Variants in NDP observed in about 807,000 individuals in gnomAD.
NDP encodes the protein norrin.
A neutral mutation model predicts 8.4 loss-of-function variants in NDP; 2 were observed. The ratio of observed to expected loss-of-function variants is 0.24; its 90% CI spans 0.10 to 0.75. The LOEUF is 0.75. Ranked by LOEUF, NDP falls within the 30% of genes least tolerant of loss-of-function variation. The pLI, the probability that NDP is intolerant of heterozygous loss-of-function variation, is 0.73. For missense variants in NDP, 81 were observed against 110.1 expected, an observed-to-expected ratio of 0.74 and a Z score of 1.18; for synonymous variants, 55 against 45.6, an observed-to-expected ratio of 1.21 and a Z score of -0.83.
intron 1 of NDP, among the ~76,000 whole-genome samples, chrX:43,961,599 G>A (rs2035826661): frequency 9.0e-6 from 1 of 111,557 alleles, no homozygotes; most frequent in South Asian, 3.7e-4. Flanking sequence ...AGGCATGAGA[G>A]AAAGACTTTT....
intron 1 of NDP, among the ~76,000 whole-genome samples, chrX:43,972,155 T>C (rs1298415161): frequency 9.0e-6 from 1 of 111,653 alleles, no homozygotes; most frequent in Non-Finnish European, 1.9e-5. Context: ...AAGAGACATG[T>C]TTCACAGCAG....
intron 1 of NDP, among the ~76,000 whole-genome samples, chrX:43,959,412 C>T (rs953978119): frequency 8.9e-6 from 1 of 111,778 alleles, no homozygotes; most frequent in Non-Finnish European, 1.9e-5. Flanking sequence ...TTTTAAGCCC[C>T]ATAGCACCCA....
intron 2 of NDP, among the ~76,000 whole-genome samples, chrX:43,958,067 A>C (rs112774785): frequency 0.023 from 2,549 of 111,104 alleles, 75 homozygotes; most frequent in African/African-American, 0.077. Context: ...TATTTCACCA[A>C]GAATCTCTTT....
intron 1 of NDP, among the ~76,000 whole-genome samples, chrX:43,963,647 A>G (rs1569246657): frequency 8.9e-6 from 1 of 111,987 alleles, no homozygotes; most frequent in Non-Finnish European, 1.9e-5. Flanking sequence ...CAGTACTAGG[A>G]TCAGAAAAGC....
intron 1 of NDP, among the ~76,000 whole-genome samples, chrX:43,961,634 A>G (rs1477181249): frequency 8.9e-6 from 1 of 112,070 alleles, no homozygotes; most frequent in Admixed American, 9.5e-5. Context: ...TCGTATTTTT[A>G]GATTTTTGAG....
At chrX:43,958,270 A>G (rs1259018408) in intron 2 of NDP, among the ~76,000 whole-genome samples, 1 of 112,341 alleles carries the variant, frequency 8.9e-6, no homozygotes, top group Non-Finnish European at 1.9e-5. Context: ...GGGTGTGCAC[A>G]TGATTGATTA....
chrX:43,951,752 A>T (rs751040832), intron 2 of NDP, among the ~76,000 whole-genome samples: 2 of 111,098 alleles, frequency 1.8e-5, no homozygotes, highest in Admixed American at 1.9e-4. Context: ...AAATCCAACA[A>T]TCACTTAGCA....
intron 1 of NDP, among the ~76,000 whole-genome samples, chrX:43,968,112 T>C (rs930335036): frequency 9.0e-6 from 1 of 111,649 alleles, no homozygotes; most frequent in Non-Finnish European, 1.9e-5. Flanking sequence ...CAACGGAAGT[T>C]ACCCATTCTT....
chrX:43,968,682 G>C (rs1383546705), intron 1 of NDP, among the ~76,000 whole-genome samples: 1 of 112,371 alleles, frequency 8.9e-6, no homozygotes, highest in Non-Finnish European at 1.9e-5. Context: ...ATGGACAAAA[G>C]AGTGGTTGTA....
chrX:43,954,605 A>G (rs1365672483), intron 2 of NDP: 1 of 111,043 alleles, frequency 9.0e-6, no homozygotes, highest in Non-Finnish European at 1.9e-5. Flanking sequence ...ATCTCTCAAG[A>G]AGTCTATTGT....
Position 43,950,006 on chromosome X carries a change from G to A in NDP, c.195C>T (p.Cys65=), listed in dbSNP as rs757962845. ...CSSKMVLLAR[C]EGHCSQASRS... is the part of the protein sequence containing the mutation. The stretch of plus-strand genomic sequence containing the variant: ...GTGACGCCTGGCTGCAGTGCCCCTC[G>A]CACCTGGCCAGGAGCACCATCTGGG... Residue 65 remains cysteine, a synonymous_variant, in exon 3 of 3, where the codon TGC becomes TGT. Coordinates refer to ENST00000642620, the MANE Select transcript of NDP (RefSeq NM_000266.4). 12 of 1,202,207 alleles carry A rather than the reference G, an allele frequency of 1.0e-5. No homozygotes were observed. The East Asian group carries it at 2.1e-4, about 21-fold the overall frequency.
At chrX:43,970,064 C>T (rs976659793) in intron 1 of NDP, among the ~76,000 whole-genome samples, 5 of 112,051 alleles carry the variant, frequency 4.5e-5, no homozygotes, top group East Asian at 5.6e-4. Flanking sequence ...TTTTATTGTC[C>T]GGGTAAGTTG....
At chrX:43,958,258 A>C (rs769962404) in intron 2 of NDP, among the ~76,000 whole-genome samples, 42 of 112,295 alleles carry the variant, frequency 3.7e-4, no homozygotes, top group East Asian at 3.4e-3. Context: ...GTCCCACTGG[A>C]TGGGTGTGCA....
intron 2 of NDP, among the ~76,000 whole-genome samples, chrX:43,951,265 G>T (rs2147205412): frequency 9.2e-6 from 1 of 108,583 alleles, no homozygotes; most frequent in Admixed American, 9.9e-5. Flanking sequence ...AAAATAAAAA[G>T]TTAACCAGGC....
At position 43,958,783 on chromosome X, in the gene NDP, T is replaced by C. The variant is rs1017042363; in HGVS notation, c.-138A>G. ...GGCTGAAGCTTTCTGGTTGTCATTG[T>C]CCTTTATGTGCTGGAGTTTTGTCTT... On this transcript the variant is annotated 5_prime_UTR_variant, in exon 2 of 3. Coordinates refer to ENST00000642620, the MANE Select transcript of NDP (RefSeq NM_000266.4). 2.8e-5 allele frequency: 15 copies of C among 542,920 alleles called. No individual in the cohort carries two copies. The highest frequency in any genetic ancestry group is 4.7e-5 in the Non-Finnish European group (15 of 316,069). The allele number at this position is 542,920 out of a possible 1,213,427, so 44.7% of individuals were successfully genotyped here.
At chrX:43,973,202 G>A (rs2035901629) in intron 1 of NDP, 102 bp downstream of exon 1, 1 of 112,127 alleles carries the variant, frequency 8.9e-6, no homozygotes. Context: ...AAATTTAAGT[G>A]GTATTTAAAG....
intron 1 of NDP, among the ~76,000 whole-genome samples, chrX:43,959,600 G>C (rs769364757): frequency 1.8e-5 from 2 of 111,505 alleles, no homozygotes; most frequent in Non-Finnish European, 3.8e-5. Flanking sequence ...CATTAAAATA[G>C]GATCATATTA....
chrX:43,951,018 C>G (rs904404263), intron 2 of NDP, among the ~76,000 whole-genome samples: 1 of 110,659 alleles, frequency 9.0e-6, no homozygotes, highest in African/African-American at 3.3e-5. Context: ...GCTGCATAAT[C>G]CTAATATCAA....
intron 1 of NDP, among the ~76,000 whole-genome samples, chrX:43,971,363 C>T (rs1399700519): frequency 9.0e-6 from 1 of 111,705 alleles, no homozygotes; most frequent in Non-Finnish European, 1.9e-5. Context: ...AGAAACTCAC[C>T]ACATTTTTCA....
Sources: allele counts gnomAD v4.1 joint callset (sites outside exome capture counted in the v4.1 genomes callset), GRCh38; gene constraint gnomAD v4.1.1; transcripts MANE v1.5; gene names NCBI Gene and HGNC (gene_info 2026-07-23, HGNC 2026-07-21).